SYNE2: variants seen among roughly 807,000 people sequenced by gnomAD.
SYNE2 encodes the protein nesprin-2.
Under a neutral mutation model 856.3 loss-of-function variants are expected in SYNE2, and 431 were observed. The ratio of observed to expected loss-of-function variants is 0.50; its 90% CI spans 0.47 to 0.55. The LOEUF is 0.55. Ranked by LOEUF, SYNE2 falls within the 20% of genes least tolerant of loss-of-function variation. SYNE2 has a pLI of 0.00. For missense variants in SYNE2, 8,129 were observed against 8,023.2 expected (o/e 1.01, Z -0.50); for synonymous variants, 2,923 against 2,872.3 (o/e 1.02, Z -0.56).
At chr14:63,892,363 T>C (rs2095152790) in intron 1 of SYNE2, among the ~76,000 whole-genome samples, 2 of 151,944 alleles carry the variant, frequency 1.3e-5, no homozygotes, top group African/African-American at 4.8e-5. Flanking sequence ...AGTTCCTCCA[T>C]TCCCCCCAAC....
chr14:63,973,542 G>C (rs2096497405), intron 11 of SYNE2, among the ~76,000 whole-genome samples: 1 of 148,250 alleles, frequency 6.7e-6, no homozygotes, highest in African/African-American at 2.5e-5. Flanking sequence ...TGAGGCAGGA[G>C]AATTGCTTGA....
At chr14:64,018,584 C>T (rs769881771) in intron 34 of SYNE2, among the ~76,000 whole-genome samples, 1 of 152,122 alleles carries the variant, frequency 6.6e-6, no homozygotes, top group Non-Finnish European at 1.5e-5. Context: ...ATATTTTAGC[C>T]TTGTGGATCA....
rs566310399 is a variant in SYNE2 at position 64,221,117 on chromosome 14, A to G, written c.20062-459A>G. Among the ~76,000 whole-genome samples, 15 of 152,252 alleles carry G rather than the reference A, an allele frequency of 9.9e-5. No homozygotes were observed. In the South Asian group the frequency reaches 1.0e-3, roughly 11 times the overall value. On this transcript the variant is annotated intron_variant, in intron 111 of 115. Transcript: ENST00000555002. The stretch of plus-strand genomic sequence containing the variant: ...TCTTTTTAGGAGTAAATGAGGCAGT[A>G]TGTATAATCCTAGCCCAGTACCTGA...
chr14:63,845,602 G>C (rs1890201695), intron 1 of SYNE2, among the ~76,000 whole-genome samples: 1 of 151,846 alleles, frequency 6.6e-6, no homozygotes, highest in East Asian at 1.9e-4. Context: ...TTGGTTCTCT[G>C]TATTTGACAT....
chr14:63,896,786 G>T (rs1041113509), intron 1 of SYNE2, among the ~76,000 whole-genome samples: 1 of 152,098 alleles, frequency 6.6e-6, no homozygotes, highest in African/African-American at 2.4e-5. Flanking sequence ...AGTTAATAAT[G>T]ACTATTTTAA....
intron 1 of SYNE2, among the ~76,000 whole-genome samples, chr14:63,816,881 C>T (rs1595140288): frequency 6.6e-6 from 1 of 151,960 alleles, no homozygotes; most frequent in African/African-American, 2.4e-5. Context: ...CCATACCTGG[C>T]TATTCTTTAT....
At chr14:63,792,958 G>A (rs1219687918) in intron 1 of SYNE2, among the ~76,000 whole-genome samples, 2 of 152,110 alleles carry the variant, frequency 1.3e-5, no homozygotes, top group African/African-American at 4.8e-5. Flanking sequence ...ATTACAGGCT[G>A]AGCCACTGCA....
At chr14:63,768,463 G>T (rs1267769010) in intron 1 of SYNE2, among the ~76,000 whole-genome samples, 1 of 152,072 alleles carries the variant, frequency 6.6e-6, no homozygotes, top group African/African-American at 2.4e-5. Context: ...ACTCTTAATG[G>T]CAGGGACTTT....
chr14:63,846,719 C>G (rs771413796), intron 1 of SYNE2, among the ~76,000 whole-genome samples: 1 of 152,020 alleles, frequency 6.6e-6, no homozygotes, highest in East Asian at 1.9e-4. Context: ...GCCTCAGCCT[C>G]CTGAGTAGCT....
At chr14:63,910,420 A>G (rs1595578756) in intron 2 of SYNE2, among the ~76,000 whole-genome samples, 2 of 152,238 alleles carry the variant, frequency 1.3e-5, no homozygotes, top group East Asian at 3.8e-4. Flanking sequence ...TAATTATTGT[A>G]TACTTTGTGT....
chr14:63,964,103 A>G (rs1460901312), intron 10 of SYNE2, 103 bp downstream of exon 10: 2 of 769,906 alleles, frequency 2.6e-6, no homozygotes, highest in Admixed American at 4.7e-5. Flanking sequence ...TAAGTATTAA[A>G]TTCACTGAAA....
upstream of SYNE2, among the ~76,000 whole-genome samples, chr14:63,852,373 C>T (rs192552824): frequency 3.4e-4 from 52 of 152,230 alleles, no homozygotes; most frequent in African/African-American, 1.2e-3. Flanking sequence ...ATGCAGTTCG[C>T]AGTGAGTTTT....
intron 1 of SYNE2, among the ~76,000 whole-genome samples, chr14:63,814,769 T>TATATATATCC (rs570381323): frequency 5.5e-5 from 2 of 36,534 alleles, no homozygotes; most frequent in Non-Finnish European, 1.4e-4. Flanking sequence ...TATATATCCA[T>TATATATATCC]ATATATATCC....
chr14:64,131,590 G>GT (rs1268822866), intron 76 of SYNE2, among the ~76,000 whole-genome samples: 2 of 151,814 alleles, frequency 1.3e-5, no homozygotes, highest in African/African-American at 4.8e-5. Context: ...TTTTGTTTTT[G>GT]TTTTTTTAAG....
At position 64,122,403 on chromosome 14, in the gene SYNE2, A is replaced by G; in HGVS notation, c.13398A>G (p.Pro4466=). 1 of 1,613,834 alleles carries G rather than the reference A, an allele frequency of 6.2e-7. No homozygotes were observed. The highest frequency in any genetic ancestry group is 8.5e-7 in the Non-Finnish European group (1 of 1,179,978). The part of the protein sequence containing the change: ...HHELSSKIKL[P]LPQLVEPQVS... ...AACTCTCATCAAAAATAAAGCTCCC[A>G]CTCCCTCAGCTTGTGGAGCCTCAGG... Residue 4466 remains proline (P), a synonymous_variant, in exon 70 of 116, where the codon CCA becomes CCG. Transcript: ENST00000555002.
intron 2 of SYNE2, among the ~76,000 whole-genome samples, chr14:63,933,606 A>G (rs1048864189): frequency 6.6e-6 from 1 of 152,242 alleles, no homozygotes; most frequent in African/African-American, 2.4e-5. Flanking sequence ...TATGGGCCTG[A>G]ATAAAATTCA....
At chr14:63,896,331 A>G (rs2095252364) in intron 1 of SYNE2, among the ~76,000 whole-genome samples, 1 of 152,196 alleles carries the variant, frequency 6.6e-6, no homozygotes, top group Non-Finnish European at 1.5e-5. Flanking sequence ...TATCCTGCAT[A>G]GTAAGGCTTG....
In SYNE2 at chr14:63,983,772, T is replaced by A; in HGVS notation, c.2037T>A (p.Asp679Glu). 6.2e-7 allele frequency: 1 copy of A among 1,613,178 alleles called. No individual in the cohort carries two copies. Among genetic ancestry groups the A allele is most frequent in the Non-Finnish European group, 8.5e-7 (1 of 1,179,410 alleles). ...TGCCACTGATGATAAAAAAACAGGA[T>A]CAGCCCACTTTTGACAATTCTGGAA... ...MNLPLMIKKQ[D>E]QPTFDNSGNI... is the part of the protein sequence containing the mutation. The change falls in exon 18 of 116, where the codon GAT becomes GAA. Residue 679 changes from aspartate to glutamate, a missense_variant. This residue lies in a region of SYNE2 where 2,422 missense variants were observed against 2,357.4 expected (regional missense o/e 1.03). Transcript: ENST00000555002.
At chr14:63,954,444 C>T (rs991335386) in intron 7 of SYNE2, among the ~76,000 whole-genome samples, 3 of 152,098 alleles carry the variant, frequency 2.0e-5, no homozygotes, top group South Asian at 2.1e-4. Flanking sequence ...GTATGGGATT[C>T]GGCCTGAGAA....
Sources: allele counts gnomAD v4.1 joint callset (sites outside exome capture counted in the v4.1 genomes callset), GRCh38; gene constraint gnomAD v4.1.1; regional missense constraint gnomAD v4.1.1; transcripts MANE v1.5; gene names NCBI Gene and HGNC (gene_info 2026-07-23, HGNC 2026-07-21).